The following GALNT14 variants were observed in gnomAD, a reference collection of about 807,000 sequenced individuals.
The protein encoded by GALNT14 is UDP-GalNAc:polypeptide N-acetylgalactosaminyltransferase 14.
Under a neutral mutation model 77.5 loss-of-function variants are expected in GALNT14, and 60 were observed. The observed-to-expected ratio is 0.77, with a 90% CI of 0.63 to 0.96. The LOEUF is 0.96. Ranked by LOEUF, GALNT14 falls within the 40% of genes least tolerant of loss-of-function variation. The probability of loss-of-function intolerance (pLI) is 0.00; values close to 1 mark genes in which losing one functional copy is unlikely to be tolerated. For missense variants in GALNT14, 710 were observed against 731.0 expected (o/e 0.97, Z 0.33); for synonymous variants, 280 against 281.7 (o/e 0.99, Z 0.06).
At chr2:30,986,007 G>A (rs1220195923) in intron 2 of GALNT14, among the ~76,000 whole-genome samples, 3 of 152,172 alleles carry the variant, frequency 2.0e-5, no homozygotes, top group African/African-American at 7.2e-5. Flanking sequence ...CATTCCAACC[G>A]AGTAAATAGA....
intron 1 of GALNT14, among the ~76,000 whole-genome samples, chr2:31,038,757 T>G (rs1250203619): frequency 6.6e-6 from 1 of 151,748 alleles, no homozygotes; most frequent in Non-Finnish European, 1.5e-5. Context: ...ATTTTTTTTT[T>G]TTTTTTGAGA....
chr2:30,963,522 G>T (rs1237211522), intron 3 of GALNT14, among the ~76,000 whole-genome samples: 2 of 152,166 alleles, frequency 1.3e-5, no homozygotes, highest in Admixed American at 1.3e-4. Flanking sequence ...AGCAGCTAAG[G>T]TACCCTCGAG....
chr2:31,057,497 T>G (rs1244387812), intron 1 of GALNT14, among the ~76,000 whole-genome samples: 1 of 149,996 alleles, frequency 6.7e-6, no homozygotes, highest in Non-Finnish European at 1.5e-5. Context: ...GGGCCAAGCC[T>G]GGGAGACTCA....
downstream of GALNT14, among the ~76,000 whole-genome samples, chr2:30,907,313 C>A (rs2148187377): frequency 6.6e-6 from 1 of 151,876 alleles, no homozygotes; most frequent in African/African-American, 2.4e-5. Flanking sequence ...AGACCGCTAG[C>A]AAGACTAATA....
rs547348753 is a variant in GALNT14, at chr2:31,012,466, T to C, written c.130-19459A>G. On this transcript the variant is annotated intron_variant, in intron 1 of 14. Transcript: ENST00000349752. ...GAGTGTGGCTTTTCTCTCTGAGAGG[T>C]TGGTAATAAAAACTGCTCACAGCCT... Among the ~76,000 whole-genome samples, 3 of 151,988 alleles carry C rather than the reference T, an allele frequency of 2.0e-5. 1 individual carries two copies. In the South Asian group the frequency reaches 6.3e-4, roughly 32 times the overall value.
intron 1 of GALNT14, among the ~76,000 whole-genome samples, chr2:31,057,439 G>A (rs868532188): frequency 6.7e-5 from 9 of 134,620 alleles, no homozygotes; most frequent in African/African-American, 1.4e-4. Context: ...ACACACACAC[G>A]GCTGTTGCAG....
Position 30,911,044 on chromosome 2 carries a change from C to G in GALNT14, c.1516G>C (p.Gly506Arg), listed in dbSNP as rs1664329727. 1 of 1,613,800 alleles carries G rather than the reference C, an allele frequency of 6.2e-7. No homozygotes were observed. The highest frequency in any genetic ancestry group is 1.3e-5 in the African/African-American group (1 of 74,966). The change falls in exon 15 of 15, where the codon GGT becomes CGT. Residue 506 changes from glycine to arginine, a missense_variant. Gly to Arg is a moderately radical substitution (Grantham distance 125). Transcript: ENST00000349752. ...GDDRQQWTKT[G>R]SHIEHIASHL... ...GATGCTATGTGCTCGATGTGGGAAC[C>G]AGTTTTGGTCCATTGCTGGTAAGAC...
intron 1 of GALNT14, among the ~76,000 whole-genome samples, chr2:31,016,338 C>T (rs754722609): frequency 6.6e-6 from 1 of 152,148 alleles, no homozygotes; most frequent in Non-Finnish European, 1.5e-5. Flanking sequence ...CCTTGATTAC[C>T]TCCTTATAGG....
chr2:31,042,087 T>C (rs527407256), intron 1 of GALNT14, among the ~76,000 whole-genome samples: 1 of 152,140 alleles, frequency 6.6e-6, no homozygotes, highest in Non-Finnish European at 1.5e-5. Context: ...GTTATATAAG[T>C]GTGCACTCAG....
chr2:30,906,630 G>A (rs1414884057), downstream of GALNT14, among the ~76,000 whole-genome samples: 7 of 151,570 alleles, frequency 4.6e-5, no homozygotes, highest in African/African-American at 1.7e-4. Context: ...ACACCCCACT[G>A]TCAACATTAG....
chr2:30,961,700 A>G (rs899515558), intron 3 of GALNT14, among the ~76,000 whole-genome samples: 9 of 142,640 alleles, frequency 6.3e-5, no homozygotes, highest in African/African-American at 2.4e-4. Flanking sequence ...TTTTTTTTTG[A>G]GATGGAGTTT....
chr2:31,061,253 G>T (rs991366671), intron 1 of GALNT14, among the ~76,000 whole-genome samples: 1 of 152,132 alleles, frequency 6.6e-6, no homozygotes, highest in Non-Finnish European at 1.5e-5. Context: ...TCAACAGCAA[G>T]CAAGTTCCTG....
Position 31,033,226 on chromosome 2 carries a change from C to A in GALNT14, c.130-40219G>T, listed in dbSNP as rs1050864459. Among the ~76,000 whole-genome samples the A allele has an allele frequency of 5.3e-5, 8 of 152,230 alleles. No individual in the cohort carries two copies. The South Asian group carries it at 1.5e-3, about 28-fold the overall frequency. On this transcript the variant is annotated intron_variant, in intron 1 of 14. Transcript: ENST00000349752. The stretch of plus-strand genomic sequence containing the variant: ...CTGCTTCTATGGACAAGGGCTCCCA[C>A]CTATCTGTCACGTGTGGTATAGCTC...
At chr2:30,967,992 C>G (rs1318938332) in intron 2 of GALNT14, among the ~76,000 whole-genome samples, 1 of 152,212 alleles carries the variant, frequency 6.6e-6, no homozygotes, top group Admixed American at 6.5e-5. Context: ...CTTCAAGACC[C>G]AGAGCAAATG....
At chr2:30,973,506 C>T (rs575504076) in intron 2 of GALNT14, among the ~76,000 whole-genome samples, 1 of 152,186 alleles carries the variant, frequency 6.6e-6, no homozygotes, top group African/African-American at 2.4e-5. Flanking sequence ...ACATCTAACA[C>T]CTCCACAGCT....
In GALNT14 at chr2:31,037,866, C is replaced by T. The variant is rs1050559210; in HGVS notation, c.130-44859G>A. Among the ~76,000 whole-genome samples the T allele has an allele frequency of 2.0e-5, 3 of 151,892 alleles. No homozygotes were observed. In the South Asian group the frequency reaches 6.2e-4, roughly 32 times the overall value. On this transcript the variant is annotated intron_variant, in intron 1 of 14. Transcript: ENST00000349752. Reference sequence around the variant, plus strand: ...GTTTATAACTCTGCCTCATTCTTCACTTCCTATTTGCATAGCCTCAAAATC... The same window carrying T: ...GTTTATAACTCTGCCTCATTCTTCATTTCCTATTTGCATAGCCTCAAAATC...
At chr2:31,072,821 G>A (rs563986646) in intron 1 of GALNT14, among the ~76,000 whole-genome samples, 3 of 152,312 alleles carry the variant, frequency 2.0e-5, no homozygotes, top group Non-Finnish European at 4.4e-5. Flanking sequence ...CATGACATGT[G>A]ACTTCTCTGC....
intron 1 of GALNT14, among the ~76,000 whole-genome samples, chr2:31,121,034 G>A (rs1355832453): frequency 6.6e-6 from 1 of 152,192 alleles, no homozygotes; most frequent in African/African-American, 2.4e-5. Flanking sequence ...TCTGTGCTTG[G>A]TGTACACAAG....
chr2:30,908,740 C>T (rs1275883887), downstream of GALNT14, among the ~76,000 whole-genome samples: 33 of 118,266 alleles, frequency 2.8e-4, no homozygotes, highest in South Asian at 1.4e-3. Context: ...GAAAAGAGCC[C>T]GCATCGCCAA....
Sources: gnomAD v4.1 joint callset for allele counts (sites outside exome capture counted in the v4.1 genomes callset) on GRCh38, gnomAD v4.1.1 for gene constraint, MANE v1.5 for transcripts, NCBI Gene and HGNC (gene_info 2026-07-23, HGNC 2026-07-21) for gene names.